CTNNA3: variants seen among roughly 807,000 people sequenced by gnomAD.
The protein encoded by CTNNA3 is catenin alpha-3.
A neutral mutation model predicts 95.7 loss-of-function variants in CTNNA3; 76 were observed. That is an observed-to-expected ratio of 0.79 (90% CI 0.66 to 0.96). CTNNA3 has a LOEUF of 0.96. CTNNA3 is among the 40% of genes least tolerant of loss of function. CTNNA3 has a pLI of 0.00. For missense variants in CTNNA3, 1,191 were observed against 1,089.8 expected (o/e 1.09, Z -1.31); for synonymous variants, 431 against 374.4 (o/e 1.15, Z -1.74).
intron 12 of CTNNA3, among the ~76,000 whole-genome samples, chr10:66,308,283 T>G (rs537040021): frequency 7.3e-4 from 111 of 152,336 alleles, no homozygotes; most frequent in African/African-American, 2.6e-3. Context: ...TAATCATATT[T>G]CACATTAGGT....
rs35835338 is a variant in CTNNA3 at position 66,864,680 on chromosome 10, T to TA, written c.1048-89157dup. Among the ~76,000 whole-genome samples the TA allele has an allele frequency of 9.2e-5, 14 of 151,460 alleles. 1 individual carries two copies. The highest frequency in any genetic ancestry group is 8.3e-4 in the South Asian group (4 of 4,802). ...TAATTTATTTTGGTTTCATTATCTA[T>TA]AAAAAAAAAGTTTCTATTTTGCAAC... On this transcript the variant is annotated intron_variant, in intron 7 of 17. Coordinates refer to ENST00000433211, the MANE Select transcript of CTNNA3 (RefSeq NM_013266.4).
At chr10:67,503,627 T>A (rs903830150) in intron 5 of CTNNA3, among the ~76,000 whole-genome samples, 6 of 152,190 alleles carry the variant, frequency 3.9e-5, no homozygotes, top group Admixed American at 3.9e-4. Flanking sequence ...AGCTTGATCT[T>A]AGAGTGTGTT....
chr10:67,180,442 T>A lies in CTNNA3; in HGVS notation c.922A>T (p.Ile308Phe). 6.2e-7 allele frequency: 1 copy of A among 1,613,914 alleles called. No homozygotes were observed. The highest frequency in any genetic ancestry group is 1.1e-5 in the South Asian group (1 of 91,082). Residue 308 changes from isoleucine (I) to phenylalanine (F), a missense_variant, in exon 7 of 18, where the codon ATC becomes TTC. Coordinates refer to ENST00000433211, the MANE Select transcript of CTNNA3 (RefSeq NM_013266.4). Reference sequence around the variant, plus strand: ...TCCGCCAGCAGAGCAGCCCCACTGATAATGGCTTCAAGGCGTTTCTCTAGT... The same window carrying A: ...TCCGCCAGCAGAGCAGCCCCACTGAAAATGGCTTCAAGGCGTTTCTCTAGT... Reference protein sequence around the residue: ...PSLEKRLEAIISGAALLADSS... With the variant: ...PSLEKRLEAIFSGAALLADSS...
chr10:65,995,326 T>C (rs2078633909), intron 15 of CTNNA3, among the ~76,000 whole-genome samples: 1 of 152,206 alleles, frequency 6.6e-6, no homozygotes, highest in East Asian at 1.9e-4. Context: ...GTCCTAAAGA[T>C]CTATCTGTAG....
At chr10:67,079,745 G>A (rs910952673) in intron 7 of CTNNA3, among the ~76,000 whole-genome samples, 1 of 151,964 alleles carries the variant, frequency 6.6e-6, no homozygotes, top group African/African-American at 2.4e-5. Flanking sequence ...CTGCTCAGGA[G>A]GCTGAGGCAG....
chr10:66,227,760 A>C lies in CTNNA3; in HGVS notation c.1884+52710T>G, dbSNP rs551177356. 2.3e-4 allele frequency among the ~76,000 whole-genome samples: 35 copies of C among 152,146 alleles called. No homozygotes were observed. In the East Asian group the frequency reaches 4.7e-3, roughly 20 times the overall value. On this transcript the variant is annotated intron_variant, in intron 13 of 17. Coordinates refer to ENST00000433211, the MANE Select transcript of CTNNA3 (RefSeq NM_013266.4). ...TGAGAACTGATTTTAGTTCTTTAAA[A>C]ATTTGGTAGAATTTAGCAGTGAAGT...
chr10:66,559,510 G>A (rs1842488053), intron 10 of CTNNA3, among the ~76,000 whole-genome samples: 4 of 151,896 alleles, frequency 2.6e-5, no homozygotes, highest in South Asian at 4.2e-4. Flanking sequence ...CAGGGATGCT[G>A]CTAAACATCC....
intron 9 of CTNNA3, among the ~76,000 whole-genome samples, chr10:66,670,381 T>A (rs1846616537): frequency 6.6e-6 from 1 of 152,124 alleles, no homozygotes; most frequent in Non-Finnish European, 1.5e-5. Context: ...CTGAATTCAA[T>A]TCCATGCTAC....
intron 7 of CTNNA3, among the ~76,000 whole-genome samples, chr10:66,948,528 C>A (rs776360650): frequency 3.3e-5 from 5 of 152,160 alleles, no homozygotes; most frequent in Non-Finnish European, 5.9e-5. Context: ...AATTAAAGAT[C>A]TACTTGGGAA....
chr10:66,312,274 A>G lies in CTNNA3; in HGVS notation c.1733-31653T>C, dbSNP rs138964151. Among the ~76,000 whole-genome samples the G allele has an allele frequency of 2.9e-3, 444 of 152,194 alleles. 2 individuals are homozygous for G. The highest frequency in any genetic ancestry group is 0.01 in the African/African-American group (427 of 41,528). ...ATTCAGTTAAAGGCAAAGTTTCCGA[A>G]TCCTAAAATTTTCTACATCTCACTA... On this transcript the variant is annotated intron_variant, in intron 12 of 17. Coordinates refer to ENST00000433211, the MANE Select transcript of CTNNA3 (RefSeq NM_013266.4).
rs752941276 is a variant in CTNNA3, at chr10:66,379,237, G to T, written c.1647C>A (p.His549Gln). 1.9e-6 allele frequency: 3 copies of T among 1,614,140 alleles called. No individual in the cohort carries two copies. The East Asian group carries it at 6.7e-5, about 36-fold the overall frequency. ...AIRGRAARVA[H>Q]IVTGEMDSYE... is the part of the protein sequence containing the mutation. The stretch of plus-strand genomic sequence containing the variant: ...AACTGTCCATTTCACCCGTGACGAT[G>T]TGAGCAACTCTTGCTGCCCGGCCTC... Residue 549 changes from histidine to glutamine, a missense_variant, in exon 12 of 18, where the codon CAC becomes CAA. Coordinates refer to ENST00000433211, the MANE Select transcript of CTNNA3 (RefSeq NM_013266.4).
intron 5 of CTNNA3, among the ~76,000 whole-genome samples, chr10:67,333,353 A>G (rs969006097): frequency 6.6e-6 from 1 of 152,180 alleles, no homozygotes; most frequent in Non-Finnish European, 1.5e-5. Flanking sequence ...TTTCTCTAAG[A>G]AATTCTGTTA....
At chr10:66,807,530 T>C (rs1402689051) in intron 7 of CTNNA3, among the ~76,000 whole-genome samples, 1 of 152,086 alleles carries the variant, frequency 6.6e-6, no homozygotes, top group Non-Finnish European at 1.5e-5. Context: ...ATATCCTTGT[T>C]AAATCCTCCT....
intron 7 of CTNNA3, among the ~76,000 whole-genome samples, chr10:66,981,470 AT>A (rs1184134678): frequency 2.0e-5 from 3 of 151,640 alleles, no homozygotes; most frequent in Non-Finnish European, 4.4e-5. Context: ...ATTTCCATTT[AT>A]TTTTTTTGGC....
chr10:67,445,449 G>A (rs1846711286), intron 5 of CTNNA3, among the ~76,000 whole-genome samples: 1 of 149,146 alleles, frequency 6.7e-6, no homozygotes, highest in South Asian at 2.1e-4. Context: ...GAAAAGAAAA[G>A]AGAGGGGTGA....
intron 10 of CTNNA3, among the ~76,000 whole-genome samples, chr10:66,590,221 A>C (rs1843502599): frequency 6.6e-6 from 1 of 152,090 alleles, no homozygotes; most frequent in Non-Finnish European, 1.5e-5. Flanking sequence ...AAATCTACCC[A>C]CTTACAAAGG....
At chr10:66,992,773 G>C (rs1317609685) in intron 7 of CTNNA3, among the ~76,000 whole-genome samples, 3 of 151,586 alleles carry the variant, frequency 2.0e-5, no homozygotes, top group African/African-American at 7.3e-5. Flanking sequence ...TTTCCTTATG[G>C]ATACTTCTCA....
At chr10:67,607,407 A>T (rs80077376) in intron 2 of CTNNA3, among the ~76,000 whole-genome samples, 3,187 of 152,288 alleles carry the variant, frequency 0.021, 36 homozygotes, top group South Asian at 0.036. Flanking sequence ...TAAATAAATC[A>T]ACAAGTAGAA....
intron 1 of CTNNA3, among the ~76,000 whole-genome samples, chr10:67,746,044 T>C (rs1474450558): frequency 1.3e-5 from 2 of 152,028 alleles, no homozygotes; most frequent in Non-Finnish European, 2.9e-5. Context: ...GAAATACCAA[T>C]GACATTCTTC....
Sources: allele counts gnomAD v4.1 joint callset (sites outside exome capture counted in the v4.1 genomes callset), GRCh38; gene constraint gnomAD v4.1.1; transcripts MANE v1.5; gene names NCBI Gene and HGNC (gene_info 2026-07-23, HGNC 2026-07-21).